AMY2B: variants seen among roughly 807,000 people sequenced by gnomAD.
The protein encoded by AMY2B is alpha-amylase 2B.
In AMY2B, 63 loss-of-function variants were observed where a neutral mutation model predicts 59.3. That is an observed-to-expected ratio of 1.06 (90% CI 0.87 to 1.31). AMY2B has a LOEUF of 1.31. AMY2B is among the 50% of genes most tolerant of loss of function. The pLI is 0.00. For synonymous variants in AMY2B, 180 were observed against 198.1 expected (o/e 0.91, Z 0.77); for missense variants, 635 against 626.7 (o/e 1.01, Z -0.14).
chr1:103,575,377 A>G (rs1212197833), intron 6 of AMY2B, 32 bp downstream of exon 6: 2 of 1,612,788 alleles, frequency 1.2e-6, no homozygotes, highest in Non-Finnish European at 1.7e-6. Context: ...TTTTTTTAAC[A>G]CATCTTTTAA....
chr1:103,570,997 C>T (rs1382839098), upstream of AMY2B: 1 of 376,682 alleles, frequency 2.7e-6, no homozygotes, highest in African/African-American at 2.1e-5. Context: ...TCTGCATGGC[C>T]AGCAGTCTCT....
Position 103,575,256 on chromosome 1 carries a change from T to G in AMY2B, c.912T>G (p.Ser304=), listed in dbSNP as rs1489162348. 1.2e-6 allele frequency: 2 copies of G among 1,613,546 alleles called. No individual in the cohort carries two copies. Among genetic ancestry groups the G allele is most frequent in the African/African-American group, 2.7e-5 (2 of 74,894 alleles). Residue 304 remains serine, a synonymous_variant, in exon 6 of 10, where the codon TCT becomes TCG. Transcript: ENST00000684275. ...NWGEGWGFMP[S]DRALVFVDNH... Reference sequence around the variant, plus strand: ...GAGAAGGTTGGGGTTTCATGCCTTCTGACAGAGCACTTGTCTTTGTGGATA... The same window carrying G: ...GAGAAGGTTGGGGTTTCATGCCTTCGGACAGAGCACTTGTCTTTGTGGATA...
intron 1 of AMY2B, 87 bp from the exon 2 acceptor site, chr1:103,572,023 G>C: frequency 2.5e-6 from 4 of 1,589,492 alleles, no homozygotes; most frequent in Admixed American, 1.8e-5. Flanking sequence ...CAAGATTCAA[G>C]AATTTTTTAT....
chr1:103,579,252 T>G, intron 9 of AMY2B, 59 bp from the exon 10 acceptor site: 2 of 1,611,240 alleles, frequency 1.2e-6, no homozygotes. Context: ...TTTAGTTGTG[T>G]TAGCCTGTAT....
upstream of AMY2B, chr1:103,568,702 C>G (rs1364463357): frequency 1.3e-5 from 2 of 151,594 alleles, no homozygotes; most frequent in Non-Finnish European, 1.5e-5. Flanking sequence ...ATATCACAAA[C>G]AAAAGACAGT....
Position 103,558,197 on chromosome 1 carries a change from C to T in AMY2B, c.-207+3088C>T, listed in dbSNP as rs1350263928. Among the ~76,000 whole-genome samples, 7 of 152,208 alleles carry T rather than the reference C, an allele frequency of 4.6e-5. No individual in the cohort carries two copies. In the South Asian group the frequency reaches 6.2e-4, roughly 14 times the overall value. On this transcript the variant is annotated intron_variant, in intron 1 of 11. Transcript: ENST00000361355. Reference sequence around the variant, plus strand: ...AGATTGTTTTACTTTGGGGAGTTCCCGATTGCTAAAGCATGTGTCAAAATG... The same window carrying T: ...AGATTGTTTTACTTTGGGGAGTTCCTGATTGCTAAAGCATGTGTCAAAATG...
At chr1:103,555,628 G>T (rs1440306909) in intron 1 of AMY2B, among the ~76,000 whole-genome samples, 2 of 152,140 alleles carry the variant, frequency 1.3e-5, no homozygotes, top group Non-Finnish European at 2.9e-5. Context: ...AGTTTCAGCT[G>T]TATATACGTA....
upstream of AMY2B, among the ~76,000 whole-genome samples, chr1:103,567,341 G>A (rs1651943090): frequency 6.6e-6 from 1 of 152,088 alleles, no homozygotes; most frequent in Non-Finnish European, 1.5e-5. Flanking sequence ...GCTGGCGGAA[G>A]GACCAAAGGG....
At chr1:103,575,657 A>T in intron 7 of AMY2B, 117 bp downstream of exon 7, 1 of 1,450,420 alleles carries the variant, frequency 6.9e-7, no homozygotes, top group Non-Finnish European at 9.3e-7. Context: ...TAGAAACCTG[A>T]TATAGGGCTG....
At chr1:103,556,211 ATCAG>A (rs1447862922) in intron 1 of AMY2B, among the ~76,000 whole-genome samples, 4 of 152,194 alleles carry the variant, frequency 2.6e-5, no homozygotes, top group Admixed American at 1.3e-4. Context: ...TTTAAGTGGT[ATCAG>A]TCAATGTGGT....
chr1:103,557,105 G>A (rs1651577644), intron 1 of AMY2B, among the ~76,000 whole-genome samples: 1 of 151,976 alleles, frequency 6.6e-6, no homozygotes, highest in South Asian at 2.1e-4. Context: ...GGTATATAGA[G>A]CGTCCATTTA....
chr1:103,577,412 A>AGGTTG, intron 7 of AMY2B, 78 bp from the exon 8 acceptor site: 2 of 1,607,088 alleles, frequency 1.2e-6, no homozygotes, highest in Admixed American at 3.3e-5. Flanking sequence ...GTAACAGGAT[A>AGGTTG]GGTTGGGTTT....
chr1:103,575,774 AG>A, intron 7 of AMY2B: 9 of 508,974 alleles, frequency 1.8e-5, no homozygotes, highest in Admixed American at 8.3e-5. Context: ...CCTAGCCCAC[AG>A]GAAAAAAAAA....
At chr1:103,569,547 G>A (rs544754043), upstream of AMY2B, 1 of 326,428 alleles carries the variant, frequency 3.1e-6, no homozygotes, top group East Asian at 1.1e-4. Flanking sequence ...TCCTCCACCA[G>A]TCGCAATGGA....
chr1:103,571,871 G>GT (rs1652145697), intron 1 of AMY2B, 101 bp downstream of exon 1: 1 of 1,606,958 alleles, frequency 6.2e-7, no homozygotes. Flanking sequence ...TACTTCACAG[G>GT]TAAGTATTCT....
rs758149990 is a variant in AMY2B at position 103,577,846 on chromosome 1, G to C, written c.1346+1G>C. 1.2e-6 allele frequency: 2 copies of C among 1,601,916 alleles called. No individual in the cohort carries two copies. Among genetic ancestry groups the C allele is most frequent in the South Asian group, 2.2e-5 (2 of 90,976 alleles). On this transcript the variant is annotated splice_donor_variant, in intron 9 of 9. Coordinates refer to ENST00000684275, the MANE Select transcript of AMY2B (RefSeq NM_001387437.1). LOFTEE classifies it high-confidence loss of function. ...TCATTGTTTTCAACAATGATGACTG[G>C]TAAGTACATATCAATTAAAAATAAT... is the stretch of plus-strand genomic sequence containing the variant.
intron 7 of AMY2B, among the ~76,000 whole-genome samples, chr1:103,576,707 AATAT>A (rs1466558278): frequency 2.6e-5 from 4 of 152,332 alleles, no homozygotes; most frequent in Middle Eastern, 3.4e-3. Flanking sequence ...GATGGACTCT[AATAT>A]TTATTGAGCA....
upstream of AMY2B, chr1:103,569,451 A>G (rs1272866752): frequency 4.4e-6 from 1 of 224,860 alleles, no homozygotes; most frequent in Non-Finnish European, 9.0e-6. Context: ...CAGAGGTTTA[A>G]AAAGGTTAAG....
chr1:103,572,553 A>G (rs1262651374), intron 2 of AMY2B, among the ~76,000 whole-genome samples: 1 of 152,202 alleles, frequency 6.6e-6, no homozygotes, highest in Non-Finnish European at 1.5e-5. Context: ...GTTAAGAGTT[A>G]TAATTCCAGT....
Sources: gnomAD v4.1 joint callset for allele counts (sites outside exome capture counted in the v4.1 genomes callset) on GRCh38, gnomAD v4.1.1 for gene constraint, MANE v1.5 for transcripts, NCBI Gene and HGNC (gene_info 2026-07-23, HGNC 2026-07-21) for gene names.